Variants in DSCAM observed in about 807,000 individuals in gnomAD.
DSCAM encodes DS cell adhesion molecule.
DSCAM carries 47 observed loss-of-function variants against 217.7 expected under a neutral mutation model. The observed-to-expected ratio is 0.22, with a 90% CI of 0.17 to 0.28. The LOEUF (loss-of-function observed/expected upper bound fraction) is 0.28, where lower values mean the gene tolerates loss of function less well. Ranked by LOEUF, DSCAM falls within the 10% of genes least tolerant of loss-of-function variation. DSCAM has a pLI of 1.00. For synonymous variants in DSCAM, 1,056 were observed against 1,015.3 expected, an observed-to-expected ratio of 1.04 and a Z score of -0.76; for missense variants, 2,080 against 2,618.3, an observed-to-expected ratio of 0.79 and a Z score of 4.49.
Position 40,785,864 on chromosome 21 carries a change from C to A in DSCAM, c.43+60755G>T, listed in dbSNP as rs185792974. ...AAATGGTAGACTACTAGTTTCTTTCCTTTCCACATACTCCCATCATCATTT... is the reference window on the plus strand; with the variant it reads ...AAATGGTAGACTACTAGTTTCTTTCATTTCCACATACTCCCATCATCATTT... On this transcript the variant is annotated intron_variant, in intron 1 of 32. Transcript: ENST00000400454. 3.2e-3 allele frequency among the ~76,000 whole-genome samples: 491 copies of A among 152,340 alleles called. 1 individual carries two copies. Among genetic ancestry groups the A allele is most frequent in the Non-Finnish European group, 5.8e-3 (396 of 68,026 alleles).
At position 40,140,277 on chromosome 21, in the gene DSCAM, A is replaced by G. The variant is rs190237341; in HGVS notation, c.3406+2281T>C. Among the ~76,000 whole-genome samples the G allele has an allele frequency of 7.8e-4, 119 of 152,292 alleles. 1 individual carries two copies. The highest frequency in any genetic ancestry group is 8.8e-5 in the Non-Finnish European group (6 of 68,014). On this transcript the variant is annotated intron_variant, in intron 18 of 32. Transcript: ENST00000400454. ...TTCTACATCGCACATTTATCTCATCACTTTGATTTTAATCCCATGAGTGAA... is the reference window on the plus strand; with the variant it reads ...TTCTACATCGCACATTTATCTCATCGCTTTGATTTTAATCCCATGAGTGAA...
At chr21:40,231,992 T>C (rs2091386196) in intron 11 of DSCAM, among the ~76,000 whole-genome samples, 1 of 152,252 alleles carries the variant, frequency 6.6e-6, no homozygotes, top group Middle Eastern at 3.2e-3. Flanking sequence ...GATTAATATT[T>C]ATCTTACATT....
chr21:40,302,398 T>A (rs1419499610), intron 9 of DSCAM, among the ~76,000 whole-genome samples: 1 of 152,166 alleles, frequency 6.6e-6, no homozygotes, highest in Non-Finnish European at 1.5e-5. Flanking sequence ...CCTGCCACCA[T>A]GTAAGACATG....
At chr21:40,754,802 C>T (rs1291569118) in intron 1 of DSCAM, among the ~76,000 whole-genome samples, 1 of 152,208 alleles carries the variant, frequency 6.6e-6, no homozygotes, top group African/African-American at 2.4e-5. Context: ...GTCTCCTTCA[C>T]ACACGGAGTT....
At chr21:40,833,739 C>T (rs539610260) in intron 1 of DSCAM, among the ~76,000 whole-genome samples, 1 of 152,322 alleles carries the variant, frequency 6.6e-6, no homozygotes, top group African/African-American at 2.4e-5. Context: ...CATTTTCCTT[C>T]CTCCTCTCTC....
At chr21:40,597,791 C>T (rs1462162195) in intron 3 of DSCAM, among the ~76,000 whole-genome samples, 2 of 152,050 alleles carry the variant, frequency 1.3e-5, no homozygotes, top group African/African-American at 2.4e-5. Context: ...GGATTACAGG[C>T]GTGAGCCACA....
chr21:40,078,198 C>T (rs994944651), intron 26 of DSCAM, among the ~76,000 whole-genome samples: 2 of 152,198 alleles, frequency 1.3e-5, no homozygotes, highest in African/African-American at 4.8e-5. Flanking sequence ...CTATTATTAT[C>T]CTATTTCCAT....
At chr21:40,759,982 TA>T (rs2091315095) in intron 1 of DSCAM, among the ~76,000 whole-genome samples, 1 of 142,608 alleles carries the variant, frequency 7.0e-6, no homozygotes, top group Non-Finnish European at 1.5e-5. Context: ...TTTATTTATT[TA>T]TTTATTTATT....
chr21:40,133,779 G>T, intron 19 of DSCAM, 75 bp downstream of exon 19: 1 of 1,504,920 alleles, frequency 6.6e-7, no homozygotes, highest in Non-Finnish European at 8.9e-7. Flanking sequence ...TGAACTGCAG[G>T]GTAAAGGCAA....
chr21:40,824,972 T>G (rs1209934458), intron 1 of DSCAM, among the ~76,000 whole-genome samples: 2 of 152,240 alleles, frequency 1.3e-5, no homozygotes, highest in Non-Finnish European at 2.9e-5. Context: ...GAGCTTTCTC[T>G]GTATGTCCGA....
intron 3 of DSCAM, among the ~76,000 whole-genome samples, chr21:40,635,822 C>T (rs567016844): frequency 1.3e-5 from 2 of 152,214 alleles, no homozygotes; most frequent in East Asian, 1.9e-4. Flanking sequence ...ATTTTGTAAT[C>T]GCTCAGAACT....
chr21:40,396,542 G>C (rs983975384), intron 3 of DSCAM, among the ~76,000 whole-genome samples: 1 of 152,154 alleles, frequency 6.6e-6, no homozygotes. Context: ...TCCTGAGCTG[G>C]GTGCCCACCA....
chr21:40,559,746 T>A (rs1041748817), intron 3 of DSCAM, among the ~76,000 whole-genome samples: 1 of 151,414 alleles, frequency 6.6e-6, no homozygotes. Flanking sequence ...TTTTTTTCCC[T>A]CTCTGTAACG....
intron 3 of DSCAM, among the ~76,000 whole-genome samples, chr21:40,389,526 T>C (rs1233250058): frequency 6.6e-6 from 1 of 152,200 alleles, no homozygotes; most frequent in Non-Finnish European, 1.5e-5. Context: ...TCCAGGTATA[T>C]TGATTAAATT....
chr21:40,052,637 C>T (rs1455580423), intron 29 of DSCAM, among the ~76,000 whole-genome samples: 1 of 152,176 alleles, frequency 6.6e-6, no homozygotes, highest in Non-Finnish European at 1.5e-5. Context: ...AGAAAACATG[C>T]CAGTCTTCAG....
At chr21:40,413,285 A>C (rs1449654627) in intron 3 of DSCAM, among the ~76,000 whole-genome samples, 2 of 152,176 alleles carry the variant, frequency 1.3e-5, no homozygotes, top group Non-Finnish European at 2.9e-5. Flanking sequence ...AGAAAGGTAG[A>C]TCCACTGACA....
chr21:40,465,195 C>G (rs2075834774), intron 3 of DSCAM, among the ~76,000 whole-genome samples: 1 of 152,150 alleles, frequency 6.6e-6, no homozygotes, highest in African/African-American at 2.4e-5. Context: ...AACATCCTTT[C>G]TCATCAATCT....
At chr21:40,158,624 C>T (rs1272453966) in intron 16 of DSCAM, among the ~76,000 whole-genome samples, 4 of 152,160 alleles carry the variant, frequency 2.6e-5, no homozygotes, top group African/African-American at 9.7e-5. Flanking sequence ...CCCTGAATCA[C>T]ACTCTCCTTC....
At chr21:40,201,471 C>T (rs2002383) in intron 11 of DSCAM, among the ~76,000 whole-genome samples, 81 of 151,852 alleles carry the variant, frequency 5.3e-4, no homozygotes, top group Non-Finnish European at 9.1e-4. Flanking sequence ...GACGGAGTTT[C>T]ACTCTTGTTG....
Sources: allele counts gnomAD v4.1 joint callset (sites outside exome capture counted in the v4.1 genomes callset), GRCh38; gene constraint gnomAD v4.1.1; transcripts MANE v1.5; gene names NCBI Gene and HGNC (gene_info 2026-07-23, HGNC 2026-07-21).